Variants in DIAPH1 observed in about 807,000 individuals in gnomAD.
DIAPH1 encodes the protein protein diaphanous homolog 1.
DIAPH1 carries 46 observed loss-of-function variants against 140.7 expected under a neutral mutation model. The ratio of observed to expected loss-of-function variants is 0.33; its 90% CI spans 0.26 to 0.42. The LOEUF is 0.42. Among genes scored for constraint, DIAPH1 ranks in the 10% least tolerant of loss-of-function variants. DIAPH1 has a pLI of 1.00. For missense variants in DIAPH1, 1,310 were observed against 1,558.7 expected (o/e 0.84, Z 2.69); for synonymous variants, 565 against 551.6 (o/e 1.02, Z -0.34).
intron 1 of DIAPH1, among the ~76,000 whole-genome samples, chr5:141,591,159 C>T (rs1028587490): frequency 3.9e-5 from 6 of 152,086 alleles, no homozygotes; most frequent in African/African-American, 1.4e-4. Flanking sequence ...TGCCTCAATG[C>T]CCCAGACTTG....
At chr5:141,555,253 A>T (rs1172750518) in intron 18 of DIAPH1, among the ~76,000 whole-genome samples, 2 of 152,208 alleles carry the variant, frequency 1.3e-5, no homozygotes, top group Non-Finnish European at 2.9e-5. Flanking sequence ...CTATGTGTAA[A>T]TTTTAAAAAC....
chr5:141,549,623 T>C (rs918828375), intron 18 of DIAPH1, among the ~76,000 whole-genome samples: 1 of 152,130 alleles, frequency 6.6e-6, no homozygotes, highest in Non-Finnish European at 1.5e-5. Flanking sequence ...AAATTTACCA[T>C]ATATGGGTAA....
chr5:141,598,861 T>C (rs759378413), intron 1 of DIAPH1, among the ~76,000 whole-genome samples: 11 of 152,260 alleles, frequency 7.2e-5, no homozygotes, highest in Non-Finnish European at 1.3e-4. Context: ...GCAGTGGTGG[T>C]GGTTGTGTGT....
At chr5:141,522,811 C>T (rs1322567573) in intron 27 of DIAPH1, among the ~76,000 whole-genome samples, 1 of 152,134 alleles carries the variant, frequency 6.6e-6, no homozygotes, top group Non-Finnish European at 1.5e-5. Context: ...TCCACTTCTC[C>T]CCACGCTTTA....
chr5:141,594,693 A>G (rs2099899031), intron 1 of DIAPH1, among the ~76,000 whole-genome samples: 1 of 151,550 alleles, frequency 6.6e-6, no homozygotes, highest in Non-Finnish European at 1.5e-5. Context: ...CAGTGAGCCA[A>G]GATCGAGCCA....
At chr5:141,557,486 A>C (rs1275665129) in intron 18 of DIAPH1, among the ~76,000 whole-genome samples, 2 of 152,186 alleles carry the variant, frequency 1.3e-5, no homozygotes, top group Non-Finnish European at 2.9e-5. Flanking sequence ...TTTTTAAAAA[A>C]ATTCAGGACC....
chr5:141,616,278 C>T (rs1000650344), intron 1 of DIAPH1, among the ~76,000 whole-genome samples: 6 of 152,176 alleles, frequency 3.9e-5, no homozygotes, highest in Non-Finnish European at 4.4e-5. Flanking sequence ...CCAGTTAATC[C>T]GTATTTAGAA....
chr5:141,529,773 T>A, intron 19 of DIAPH1, 76 bp from the exon 20 acceptor site: 4 of 1,295,272 alleles, frequency 3.1e-6, no homozygotes, highest in Non-Finnish European at 4.5e-6. Context: ...AAACCTATGC[T>A]GGATAATCTT....
chr5:141,559,644 G>T (rs1429213076), intron 18 of DIAPH1, among the ~76,000 whole-genome samples: 1 of 152,190 alleles, frequency 6.6e-6, no homozygotes, highest in Non-Finnish European at 1.5e-5. Context: ...GTTTCCCACA[G>T]ATACTTTCCC....
chr5:141,604,698 T>C lies in DIAPH1; in HGVS notation c.117+14100A>G, dbSNP rs553208064. Among the ~76,000 whole-genome samples, 76 of 152,296 alleles carry C rather than the reference T, an allele frequency of 5.0e-4. 1 individual carries two copies. The highest frequency in any genetic ancestry group is 1.8e-3 in the African/African-American group (73 of 41,564). On this transcript the variant is annotated intron_variant, in intron 1 of 27. Transcript: ENST00000389054. The stretch of plus-strand genomic sequence containing the variant: ...CTAAAGTCCTTTCATTTCTAAATAA[T>C]CTCTTTTTTGTATCCTCACACCACT...
chr5:141,581,254 C>G lies in DIAPH1; in HGVS notation c.685-371G>C, dbSNP rs192596098. On this transcript the variant is annotated intron_variant, in intron 7 of 27. Transcript: ENST00000389054. ...AGGATTGCCAACAAGCTACCAGAAACTAGGAGGGATATGGAACATATTACC... is the reference window on the plus strand; with the variant it reads ...AGGATTGCCAACAAGCTACCAGAAAGTAGGAGGGATATGGAACATATTACC... Among the ~76,000 whole-genome samples the G allele has an allele frequency of 3.1e-4, 47 of 152,248 alleles. 1 individual carries two copies. The East Asian group carries it at 7.3e-3, about 24-fold the overall frequency.
chr5:141,592,246 A>G (rs751138428), intron 1 of DIAPH1, among the ~76,000 whole-genome samples: 6 of 152,118 alleles, frequency 3.9e-5, no homozygotes, highest in Non-Finnish European at 7.4e-5. Flanking sequence ...ATCACAGCCC[A>G]GTCAGTACAA....
chr5:141,531,647 C>T (rs1416382061), intron 19 of DIAPH1, among the ~76,000 whole-genome samples: 3 of 151,990 alleles, frequency 2.0e-5, no homozygotes, highest in Non-Finnish European at 4.4e-5. Flanking sequence ...TCCACCATGC[C>T]CAGCTAATTT....
chr5:141,614,651 C>G (rs2099902370), intron 1 of DIAPH1, among the ~76,000 whole-genome samples: 1 of 152,176 alleles, frequency 6.6e-6, no homozygotes, highest in Non-Finnish European at 1.5e-5. Context: ...TGAAAAAGTA[C>G]AGGTAACCAT....
rs1442493328 is a variant in DIAPH1, at chr5:141,571,493, G to A, written c.2474-57C>T. On this transcript the variant is annotated intron_variant, in intron 17 of 27. Transcript: ENST00000389054. ...CATCCAATATTGGAAAGAAATGGAA[G>A]GAAGAAAAGGAATCACATATGGTTC... 4 of 1,466,446 alleles carry A rather than the reference G, an allele frequency of 2.7e-6. No homozygotes were observed. In the East Asian group the frequency reaches 9.1e-5, roughly 33 times the overall value. 90.8% of individuals were successfully genotyped at this position (1,466,446 alleles called of 1,614,324 possible).
chr5:141,546,734 C>T (rs536290992), intron 18 of DIAPH1, among the ~76,000 whole-genome samples: 128 of 151,312 alleles, frequency 8.5e-4, no homozygotes, highest in African/African-American at 3.1e-3. Context: ...TTGAATAAAA[C>T]AGGCTCACAG....
chr5:141,524,956 C>T (rs554134749), intron 26 of DIAPH1, among the ~76,000 whole-genome samples: 1 of 152,086 alleles, frequency 6.6e-6, no homozygotes, highest in South Asian at 2.1e-4. Flanking sequence ...TTTGCTTGAC[C>T]CGGGTACTGG....
chr5:141,587,600 G>A, intron 2 of DIAPH1: 1 of 261,436 alleles, frequency 3.8e-6, no homozygotes, highest in Non-Finnish European at 7.5e-6. Context: ...CCCAGAGGAT[G>A]TCTCCCTTCA....
intron 7 of DIAPH1, 55 bp from the exon 8 acceptor site, chr5:141,580,938 G>C (rs1352034913): frequency 6.2e-7 from 1 of 1,612,452 alleles, no homozygotes; most frequent in Non-Finnish European, 8.5e-7. Context: ...ATCTAACTGG[G>C]GGACAAGTTT....
Sources: gnomAD v4.1 joint callset for allele counts (sites outside exome capture counted in the v4.1 genomes callset) on GRCh38, gnomAD v4.1.1 for gene constraint, MANE v1.5 for transcripts, NCBI Gene and HGNC (gene_info 2026-07-23, HGNC 2026-07-21) for gene names.